The following HTR1E variants were observed in gnomAD, a reference collection of about 807,000 sequenced individuals.
HTR1E encodes the protein 5-HT-1E.
HTR1E carries 3 observed loss-of-function variants against 3.4 expected under a neutral mutation model. That is an observed-to-expected ratio of 0.89 (90% confidence interval 0.41 to 2.31). The LOEUF (loss-of-function observed/expected upper bound fraction) is 2.31. Among genes scored for constraint, HTR1E ranks in the 30% most tolerant of loss-of-function variants. The pLI, the probability that HTR1E is intolerant of heterozygous loss-of-function variation, is 0.05. For synonymous variants in HTR1E, 170 were observed against 182.8 expected, an observed-to-expected ratio of 0.93 and a Z score of 0.56; for missense variants, 392 against 467.0, an observed-to-expected ratio of 0.84 and a Z score of 1.48.
chr6:86,975,854 A>G (rs1267656391), intron 1 of HTR1E, among the ~76,000 whole-genome samples: 2 of 151,654 alleles, frequency 1.3e-5, no homozygotes, highest in African/African-American at 2.4e-5. Flanking sequence ...TGTTTAAGGG[A>G]AAAAGTGTAT....
intron 1 of HTR1E, among the ~76,000 whole-genome samples, chr6:86,985,090 C>T (rs1042202582): frequency 4.6e-5 from 7 of 152,242 alleles, no homozygotes; most frequent in South Asian, 4.2e-4. Flanking sequence ...AATGTATTCA[C>T]GCTGTCATTC....
chr6:87,010,786 C>G (rs1016494392), intron 1 of HTR1E, among the ~76,000 whole-genome samples: 3 of 151,548 alleles, frequency 2.0e-5, no homozygotes, highest in Non-Finnish European at 4.4e-5. Flanking sequence ...CTTTGGGAGG[C>G]CAAGGCAGGC....
At chr6:86,965,111 G>A (rs1017347793) in intron 1 of HTR1E, among the ~76,000 whole-genome samples, 1 of 152,092 alleles carries the variant, frequency 6.6e-6, no homozygotes, top group Non-Finnish European at 1.5e-5. Context: ...GACCAAATCT[G>A]ACTTGAGGGA....
At chr6:86,961,445 A>G (rs1217341273) in intron 1 of HTR1E, among the ~76,000 whole-genome samples, 3 of 152,270 alleles carry the variant, frequency 2.0e-5, no homozygotes, top group Non-Finnish European at 4.4e-5. Flanking sequence ...TAAAATGTAT[A>G]AAATCAATTA....
chr6:86,984,900 G>GA, intron 1 of HTR1E, among the ~76,000 whole-genome samples: 1 of 152,138 alleles, frequency 6.6e-6, no homozygotes, highest in African/African-American at 2.4e-5. Context: ...TGGTGGGAGG[G>GA]GGAGTGTGTA....
At chr6:86,957,030 C>A (rs1016178579) in intron 1 of HTR1E, among the ~76,000 whole-genome samples, 3 of 152,180 alleles carry the variant, frequency 2.0e-5, no homozygotes, top group African/African-American at 4.8e-5. Context: ...TACATGTTAA[C>A]CTTGTCGTTT....
chr6:86,969,613 T>C (rs929612442), intron 1 of HTR1E, among the ~76,000 whole-genome samples: 15 of 152,254 alleles, frequency 9.9e-5, no homozygotes, highest in African/African-American at 3.4e-4. Context: ...CTTTCACCTC[T>C]GTTGTGGACA....
intron 1 of HTR1E, among the ~76,000 whole-genome samples, chr6:87,002,319 T>TA (rs1768035665): frequency 6.6e-6 from 1 of 152,230 alleles, no homozygotes; most frequent in African/African-American, 2.4e-5. Context: ...TGGCGAGTGT[T>TA]ACAGCTCTTA....
At position 87,009,048 on chromosome 6, in the gene HTR1E, T is replaced by A. The variant is rs570268519; in HGVS notation, c.-185-6102T>A. 4.7e-5 allele frequency among the ~76,000 whole-genome samples: 7 copies of A among 150,272 alleles called. No individual in the cohort carries two copies. The South Asian group carries it at 1.5e-3, about 32-fold the overall frequency. On this transcript the variant is annotated intron_variant, in intron 1 of 1. Transcript: ENST00000305344. ...TCCCTTTTAGTCTATACGCCACACT[T>A]CTTTTTATTTTTTTTTTTTAATTTA... is the stretch of plus-strand genomic sequence containing the variant.
chr6:86,991,228 T>C lies in HTR1E; in HGVS notation c.-185-23922T>C, dbSNP rs181773115. ...AAGAGACTGGGGAGATAAGAAAAAT[T>C]AAATACAATGTGGTGTCCTGAATTG... On this transcript the variant is annotated intron_variant, in intron 1 of 1. Coordinates refer to ENST00000305344, the MANE Select transcript of HTR1E (RefSeq NM_000865.3). 5.8e-4 allele frequency among the ~76,000 whole-genome samples: 88 copies of C among 152,186 alleles called. 1 individual carries two copies. In the South Asian group the frequency reaches 8.9e-3, roughly 15 times the overall value.
intron 1 of HTR1E, among the ~76,000 whole-genome samples, chr6:87,006,988 A>C (rs1345884992): frequency 6.6e-6 from 1 of 152,182 alleles, no homozygotes; most frequent in African/African-American, 2.4e-5. Flanking sequence ...CTTAATAACT[A>C]GGTGATGGCT....
intron 1 of HTR1E, among the ~76,000 whole-genome samples, chr6:87,008,981 T>C (rs185823799): frequency 1.9e-4 from 29 of 152,252 alleles, no homozygotes; most frequent in Admixed American, 1.5e-3. Context: ...CTGATAATGA[T>C]AGTTTTGGTT....
chr6:86,946,831 C>T (rs888641952), intron 1 of HTR1E, among the ~76,000 whole-genome samples: 5 of 151,924 alleles, frequency 3.3e-5, no homozygotes, highest in Admixed American at 2.0e-4. Flanking sequence ...TTAAAATGCA[C>T]AGAGGCCGGG....
intron 1 of HTR1E, among the ~76,000 whole-genome samples, chr6:86,951,363 A>G (rs777509168): frequency 3.9e-5 from 6 of 152,186 alleles, no homozygotes; most frequent in Non-Finnish European, 8.8e-5. Context: ...TTTCATGAAG[A>G]GCTTTTAAAT....
At chr6:87,004,197 C>T (rs1768069803) in intron 1 of HTR1E, among the ~76,000 whole-genome samples, 2 of 152,074 alleles carry the variant, frequency 1.3e-5, no homozygotes, top group African/African-American at 4.8e-5. Context: ...GAACTAATAC[C>T]AATTCTAGTT....
intron 1 of HTR1E, among the ~76,000 whole-genome samples, chr6:86,996,744 A>C (rs1767944432): frequency 6.6e-6 from 1 of 152,084 alleles, no homozygotes; most frequent in Non-Finnish European, 1.5e-5. Flanking sequence ...AAATTGTATT[A>C]ATAATCTTAA....
intron 1 of HTR1E, among the ~76,000 whole-genome samples, chr6:86,962,342 C>T (rs1767421028): frequency 6.6e-6 from 1 of 152,178 alleles, no homozygotes; most frequent in African/African-American, 2.4e-5. Flanking sequence ...AAGAGATTAA[C>T]ATAATTATTC....
intron 1 of HTR1E, among the ~76,000 whole-genome samples, chr6:87,014,404 C>T (rs1768285175): frequency 6.6e-6 from 1 of 151,936 alleles, no homozygotes; most frequent in Admixed American, 6.6e-5. Flanking sequence ...ATGGCGATTC[C>T]TCAAGGTTCC....
At chr6:87,004,355 C>T (rs1446919552) in intron 1 of HTR1E, among the ~76,000 whole-genome samples, 1 of 152,136 alleles carries the variant, frequency 6.6e-6, no homozygotes, top group East Asian at 1.9e-4. Context: ...CAGCAAAATA[C>T]TAGCAAGCCA....
Sources: gnomAD v4.1 joint callset for allele counts (sites outside exome capture counted in the v4.1 genomes callset) on GRCh38, gnomAD v4.1.1 for gene constraint, MANE v1.5 for transcripts, NCBI Gene and HGNC (gene_info 2026-07-23, HGNC 2026-07-21) for gene names.